KALRN: variants seen among roughly 807,000 people sequenced by gnomAD.
KALRN encodes kalirin.
KALRN carries 70 observed loss-of-function variants against 353.7 expected under a neutral mutation model. The observed-to-expected ratio is 0.20, with a 90% CI of 0.16 to 0.24. KALRN has a LOEUF of 0.24. Among genes scored for constraint, KALRN ranks in the 10% least tolerant of loss-of-function variants. The probability of loss-of-function intolerance (pLI) is 1.00; values close to 1 mark genes in which losing one functional copy is unlikely to be tolerated. For synonymous variants in KALRN, 1,391 were observed against 1,434.8 expected (o/e 0.97, Z 0.69); for missense variants, 2,791 against 3,756.7 (o/e 0.74, Z 6.72).
chr3:124,675,332 A>G (rs1392221739), intron 49 of KALRN: 2 of 152,172 alleles, frequency 1.3e-5, no homozygotes, highest in East Asian at 3.8e-4. Flanking sequence ...ATGGCGTCAC[A>G]GTGCTCATCG....
chr3:124,538,331 C>A (rs1490781762), intron 33 of KALRN, among the ~76,000 whole-genome samples: 1 of 151,584 alleles, frequency 6.6e-6, no homozygotes, highest in African/African-American at 2.4e-5. Flanking sequence ...AGACAGGATG[C>A]GAGAGATGGG....
intron 1 of KALRN, among the ~76,000 whole-genome samples, chr3:124,189,227 A>G (rs528946898): frequency 2.0e-5 from 3 of 152,202 alleles, no homozygotes; most frequent in Non-Finnish European, 2.9e-5. Flanking sequence ...AGTGGAAGCT[A>G]TCCACCTCTT....
chr3:124,463,347 C>T (rs1233012179), intron 25 of KALRN, among the ~76,000 whole-genome samples: 1 of 152,148 alleles, frequency 6.6e-6, no homozygotes, highest in African/African-American at 2.4e-5. Flanking sequence ...CTCTCAGGAC[C>T]CTGCTGCAGA....
chr3:124,317,541 C>G (rs2078921877), intron 6 of KALRN, among the ~76,000 whole-genome samples: 1 of 152,090 alleles, frequency 6.6e-6, no homozygotes. Context: ...AGCTCCTCAG[C>G]TCCTAACTGC....
chr3:124,664,409 T>G (rs2085347641), intron 45 of KALRN, among the ~76,000 whole-genome samples: 1 of 148,212 alleles, frequency 6.7e-6, no homozygotes, highest in African/African-American at 2.5e-5. Context: ...AAGCACAGAA[T>G]CAAGCTTTTT....
At chr3:124,258,233 C>T (rs1450060965) in intron 3 of KALRN, among the ~76,000 whole-genome samples, 1 of 152,168 alleles carries the variant, frequency 6.6e-6, no homozygotes, top group Non-Finnish European at 1.5e-5. Context: ...TCCTGCTAAT[C>T]ATTACAGAGA....
At chr3:124,549,513 A>G (rs1248358881) in intron 33 of KALRN, among the ~76,000 whole-genome samples, 1 of 152,178 alleles carries the variant, frequency 6.6e-6, no homozygotes, top group Non-Finnish European at 1.5e-5. Context: ...TGATAAAACT[A>G]AGAAGCCACT....
At chr3:124,351,297 G>A (rs1043414897) in intron 10 of KALRN, among the ~76,000 whole-genome samples, 5 of 152,172 alleles carry the variant, frequency 3.3e-5, no homozygotes, top group African/African-American at 1.2e-4. Context: ...CTGTTTATGA[G>A]ATGTGTTCAG....
chr3:124,710,944 C>G (rs2062857108), intron 57 of KALRN, among the ~76,000 whole-genome samples: 1 of 152,188 alleles, frequency 6.6e-6, no homozygotes, highest in Non-Finnish European at 1.5e-5. Flanking sequence ...GGAGAGCTAT[C>G]CTCAGCATTC....
intron 9 of KALRN, among the ~76,000 whole-genome samples, chr3:124,335,385 C>T (rs146414955): frequency 7.9e-5 from 12 of 152,134 alleles, no homozygotes; most frequent in African/African-American, 2.7e-4. Context: ...ATTATGACAT[C>T]AGTTGTTGCT....
At chr3:124,154,074 G>A (rs991450329) in intron 1 of KALRN, among the ~76,000 whole-genome samples, 2 of 152,160 alleles carry the variant, frequency 1.3e-5, no homozygotes, top group Admixed American at 1.3e-4. Flanking sequence ...TAGGTTGCCT[G>A]TTCACTCTGA....
intron 33 of KALRN, among the ~76,000 whole-genome samples, chr3:124,539,149 G>T (rs1323389170): frequency 6.6e-6 from 1 of 152,206 alleles, no homozygotes; most frequent in Non-Finnish European, 1.5e-5. Flanking sequence ...GGGAGCCAAG[G>T]GAAGCAGTCA....
chr3:124,604,450 C>G (rs1372086835), intron 34 of KALRN, among the ~76,000 whole-genome samples: 1 of 152,036 alleles, frequency 6.6e-6, no homozygotes, highest in Non-Finnish European at 1.5e-5. Flanking sequence ...ACCTTGTGAT[C>G]ATAGAATTGA....
chr3:124,614,848 T>C (rs1050080132), intron 34 of KALRN, among the ~76,000 whole-genome samples: 5 of 152,184 alleles, frequency 3.3e-5, no homozygotes, highest in African/African-American at 1.2e-4. Context: ...TTGAGATTAC[T>C]GGCATGAGCC....
chr3:124,398,503 A>G (rs1328256629), intron 12 of KALRN, among the ~76,000 whole-genome samples, 194 bp from the exon 13 acceptor site: 1 of 152,180 alleles, frequency 6.6e-6, no homozygotes, highest in Non-Finnish European at 1.5e-5. Context: ...CCAAAAAAGG[A>G]TGCATGTAGC....
chr3:124,053,007 T>A (rs1344571738), intron 1 of KALRN, among the ~76,000 whole-genome samples: 3 of 152,246 alleles, frequency 2.0e-5, no homozygotes, highest in Admixed American at 6.5e-5. Context: ...TCTTGGATTT[T>A]CTCAGGAGTT....
chr3:124,226,398 G>A (rs891141366), intron 1 of KALRN, among the ~76,000 whole-genome samples: 1 of 152,072 alleles, frequency 6.6e-6, no homozygotes, highest in African/African-American at 2.4e-5. Flanking sequence ...TCTTTTTTAT[G>A]GTGTTACTTT....
intron 34 of KALRN, among the ~76,000 whole-genome samples, chr3:124,594,268 C>T (rs565813643): frequency 6.6e-6 from 1 of 152,292 alleles, no homozygotes; most frequent in Admixed American, 6.5e-5. Context: ...GCTCTGTCAC[C>T]AGGCTGGAGT....
intron 5 of KALRN, among the ~76,000 whole-genome samples, chr3:124,287,954 A>T (rs1437282093): frequency 1.4e-5 from 2 of 146,352 alleles, no homozygotes; most frequent in African/African-American, 5.1e-5. Flanking sequence ...GCACACTGCA[A>T]CCTCCACCTC....
Sources: allele counts gnomAD v4.1 joint callset (sites outside exome capture counted in the v4.1 genomes callset), GRCh38; gene constraint gnomAD v4.1.1; transcripts MANE v1.5; gene names NCBI Gene and HGNC (gene_info 2026-07-23, HGNC 2026-07-21).